SLC7A8: variants seen among roughly 807,000 people sequenced by gnomAD.
SLC7A8 encodes the protein solute carrier family 7 member 8, also known as large neutral amino acids transporter small subunit 2.
In SLC7A8, 30 loss-of-function variants were observed where a neutral mutation model predicts 51.2. The observed-to-expected ratio is 0.59, with a 90% CI of 0.44 to 0.80. The LOEUF (loss-of-function observed/expected upper bound fraction) is 0.80, where lower values mean the gene tolerates loss of function less well. Among genes scored for constraint, SLC7A8 ranks in the 30% least tolerant of loss-of-function variants. The pLI, the probability that SLC7A8 is intolerant of heterozygous loss-of-function variation, is 0.00. For synonymous variants in SLC7A8, 257 were observed against 275.8 expected (o/e 0.93, Z 0.67); for missense variants, 612 against 674.4 (o/e 0.91, Z 1.03).
chr14:23,177,380 A>G (rs1324286146), intron 1 of SLC7A8, among the ~76,000 whole-genome samples: 1 of 152,232 alleles, frequency 6.6e-6, no homozygotes, highest in Non-Finnish European at 1.5e-5. Context: ...TAACTAATCA[A>G]GCTGTTTCTG....
intron 1 of SLC7A8, among the ~76,000 whole-genome samples, 162 bp downstream of exon 1, chr14:23,182,602 T>A (rs1877230119): frequency 6.6e-6 from 1 of 152,206 alleles, no homozygotes. Flanking sequence ...ATGTATTTCC[T>A]ATGCCTCTCA....
chr14:23,147,380 A>G (rs1336402708), intron 3 of SLC7A8, among the ~76,000 whole-genome samples: 2 of 152,204 alleles, frequency 1.3e-5, no homozygotes, highest in African/African-American at 4.8e-5. Flanking sequence ...GGGTGAAGTA[A>G]GAGATGCCCA....
rs563705993 is a variant in SLC7A8 at position 23,126,651 on chromosome 14, A to G, written c.*526T>C. ...AGCCCTGGCTGGGGTGGGTGCAGGT[A>G]TGATGGGGAGGGGCAGGAAAGAGGG... On this transcript the variant is annotated 3_prime_UTR_variant, in exon 11 of 11. Coordinates refer to ENST00000316902, the MANE Select transcript of SLC7A8 (RefSeq NM_012244.4). 282 of 158,720 alleles carry G rather than the reference A, an allele frequency of 1.8e-3. No homozygotes were observed. The highest frequency in any genetic ancestry group is 6.2e-3 in the African/African-American group (258 of 41,576). The allele number at this position is 158,720 out of a possible 1,614,324, so 9.8% of individuals were successfully genotyped here.
At position 23,127,196 on chromosome 14, in the gene SLC7A8, G is replaced by A. The variant is rs750096654; in HGVS notation, c.1589C>T (p.Ala530Val). The A allele has an allele frequency of 1.9e-5, 31 of 1,613,948 alleles. No homozygotes were observed. Among genetic ancestry groups the A allele is most frequent in the Admixed American group, 1.3e-4 (8 of 59,990 alleles). ...TGGTCCTCAGGGCTGGGGCTGCCCCGCCACGTCCTTGTCCTTCGTGGGAGT... is the reference window on the plus strand; with the variant it reads ...TGGTCCTCAGGGCTGGGGCTGCCCCACCACGTCCTTGTCCTTCGTGGGAGT... Reference protein sequence around the residue: ...QPTPTKDKDVAGQPQP With the variant: ...QPTPTKDKDVVGQPQP The change falls in exon 11 of 11, where the codon GCG becomes GTG. Residue 530 changes from alanine to valine, a missense_variant. Ala to Val is a moderately conservative substitution (Grantham distance 64). Coordinates refer to ENST00000316902, the MANE Select transcript of SLC7A8 (RefSeq NM_012244.4).
chr14:23,182,903 T>C lies in SLC7A8; in HGVS notation c.12A>G (p.Gly4=). The C allele has an allele frequency of 6.2e-7, 1 of 1,614,108 alleles. No homozygotes were observed. Among genetic ancestry groups the C allele is most frequent in the Non-Finnish European group, 8.5e-7 (1 of 1,179,996 alleles). ...TTTCGGTGTTGTTTCGGTGCCTGGC[T>C]CCTTCTTCCATCCTTCTCAGTAGGA... MEE[G]ARHRNNTEKK... is the part of the protein sequence containing the mutation. The change falls in exon 1 of 11, where the codon GGA becomes GGG. Residue 4 remains glycine, a synonymous_variant. Coordinates refer to ENST00000316902, the MANE Select transcript of SLC7A8 (RefSeq NM_012244.4).
rs1396237842 is a variant in SLC7A8 at position 23,182,904 on chromosome 14, C to T, written c.11G>A (p.Gly4Glu). The change falls in exon 1 of 11, where the codon GGA (glycine) becomes GAA (glutamate). Residue 4 changes from glycine to glutamate, a missense_variant. Gly to Glu is a moderately conservative substitution (Grantham distance 98, BLOSUM62 -2). Coordinates refer to ENST00000316902, the MANE Select transcript of SLC7A8 (RefSeq NM_012244.4). Reference protein sequence around the residue: MEEGARHRNNTEKK... With the variant: MEEEARHRNNTEKK... The stretch of plus-strand genomic sequence containing the variant: ...TTCGGTGTTGTTTCGGTGCCTGGCT[C>T]CTTCTTCCATCCTTCTCAGTAGGAT... 6.2e-7 allele frequency: 1 copy of T among 1,614,116 alleles called. No individual in the cohort carries two copies. The highest frequency in any genetic ancestry group is 1.6e-4 in the Middle Eastern group (1 of 6,062).
chr14:23,166,432 A>T lies in SLC7A8; in HGVS notation c.260T>A (p.Val87Asp), dbSNP rs752536582. 6.2e-7 allele frequency: 1 copy of T among 1,614,140 alleles called. No homozygotes were observed. The highest frequency in any genetic ancestry group is 1.3e-5 in the African/African-American group (1 of 75,028). ...TTCAGCATAGCAGAGGGCTCCCACAACTGTGATGAAGCCCGTCACAATCCA... is the reference window on the plus strand; with the variant it reads ...TTCAGCATAGCAGAGGGCTCCCACATCTGTGATGAAGCCCGTCACAATCCA... Reference protein sequence around the residue: ...IVWIVTGFITVVGALCYAELG... With the variant: ...IVWIVTGFITDVGALCYAELG... The change falls in exon 2 of 11, where the codon GTT becomes GAT. Residue 87 changes from valine (V) to aspartate (D), a missense_variant. Coordinates refer to ENST00000316902, the MANE Select transcript of SLC7A8 (RefSeq NM_012244.4).
In SLC7A8 at chr14:23,182,979, T is replaced by C. The variant is rs1009136323; in HGVS notation, c.-65A>G. 7.5e-6 allele frequency: 12 copies of C among 1,603,860 alleles called. No homozygotes were observed. Among genetic ancestry groups the C allele is most frequent in the Non-Finnish European group, 1.0e-5 (12 of 1,172,256 alleles). On this transcript the variant is annotated 5_prime_UTR_variant, in exon 1 of 11. The change creates a new upstream start codon in the 5' untranslated region. Transcript: ENST00000316902. ...TTCTAAATGCGTATTCGTGTAAATA[T>C]ATTGGGAGAGAGCTTTGAATTAGAA... is the stretch of plus-strand genomic sequence containing the variant.
Position 23,165,499 on chromosome 14 carries a change from G to T in SLC7A8, c.357-63C>A, listed in dbSNP as rs957098855. 1.0e-5 allele frequency: 15 copies of T among 1,502,314 alleles called. No homozygotes were observed. The Admixed American group carries it at 1.6e-4, about 16-fold the overall frequency. 93.1% of individuals were successfully genotyped at this position (1,502,314 alleles called of 1,614,324 possible). ...AGGGACGCAGAGCCATCAGGGGAGAGCCCGGGCAAGTCATGCATCTCTTTT... is the reference window on the plus strand; with the variant it reads ...AGGGACGCAGAGCCATCAGGGGAGATCCCGGGCAAGTCATGCATCTCTTTT... On this transcript the variant is annotated intron_variant, in intron 2 of 10. Transcript: ENST00000316902. The surrounding 1 kb of genome is among the most constrained non-coding windows in gnomAD (Gnocchi z 4.2).
intron 1 of SLC7A8, among the ~76,000 whole-genome samples, chr14:23,175,978 TTTTA>T (rs2140340689): frequency 6.6e-6 from 1 of 152,354 alleles, no homozygotes; most frequent in African/African-American, 2.4e-5. Flanking sequence ...TGTCCCAGAA[TTTTA>T]TTTGAGAACA....
At chr14:23,179,974 T>C (rs1218802634) in intron 1 of SLC7A8, among the ~76,000 whole-genome samples, 1 of 151,228 alleles carries the variant, frequency 6.6e-6, no homozygotes, top group Non-Finnish European at 1.5e-5. Context: ...GGCGCAACCT[T>C]GGCTCACTGC....
rs1283493323 is a variant in SLC7A8, at chr14:23,165,581, C to T, written c.357-145G>A. The T allele has an allele frequency of 5.4e-6, 4 of 736,374 alleles. No individual in the cohort carries two copies. The highest frequency in any genetic ancestry group is 8.4e-6 in the Non-Finnish European group (4 of 478,138). 45.6% of individuals were successfully genotyped at this position (736,374 alleles called of 1,614,324 possible). A position where few individuals can be genotyped will look rare whatever the true frequency, so the allele number is the denominator to read the frequency against. On this transcript the variant is annotated intron_variant, in intron 2 of 10. Coordinates refer to ENST00000316902, the MANE Select transcript of SLC7A8 (RefSeq NM_012244.4). This position sits in a 1 kb window ranked among gnomAD's most constrained non-coding sequence, Gnocchi z 4.2. ...CTGCCCCCACCCACAAATGAGACAC[C>T]CAGCCCTCTGCAGTGACAATAAAAT... is the stretch of plus-strand genomic sequence containing the variant.
At position 23,138,039 on chromosome 14, in the gene SLC7A8, A is replaced by G. The variant is rs2048707281; in HGVS notation, c.913-15T>C. 6.2e-7 allele frequency: 1 copy of G among 1,613,438 alleles called. No individual in the cohort carries two copies. Among genetic ancestry groups the G allele is most frequent in the Non-Finnish European group, 8.5e-7 (1 of 1,179,872 alleles). ...TCTCCAAAAGTCTGGGAGAGGAACC[A>G]AGGAGATAAGCAAAGGAGAGGTCAC... On this transcript the variant is annotated splice_polypyrimidine_tract_variant and intron_variant, in intron 6 of 10. Coordinates refer to ENST00000316902, the MANE Select transcript of SLC7A8 (RefSeq NM_012244.4).
Position 23,127,349 on chromosome 14 carries a change from G to A in SLC7A8, c.1442-6C>T, listed in dbSNP as rs772766636. ...GCTCACCAGGGTTAGCAGCTCTGTA[G>A]GAAGAGATCACACAGAAACCAGGCC... On this transcript the variant is annotated splice_region_variant and splice_polypyrimidine_tract_variant and intron_variant, in intron 10 of 10. Coordinates refer to ENST00000316902, the MANE Select transcript of SLC7A8 (RefSeq NM_012244.4). 3.1e-6 allele frequency: 5 copies of A among 1,613,228 alleles called. No homozygotes were observed. In the Admixed American group the frequency reaches 8.3e-5, roughly 27 times the overall value.
intron 1 of SLC7A8, among the ~76,000 whole-genome samples, chr14:23,166,926 C>T (rs1015847433): frequency 6.6e-6 from 1 of 152,158 alleles, no homozygotes; most frequent in Non-Finnish European, 1.5e-5. Flanking sequence ...CTGAGCGACA[C>T]GTGGTCCACC....
rs1390560791 is a variant in SLC7A8, at chr14:23,126,448, C to T, written c.*729G>A. 2.0e-5 allele frequency: 3 copies of T among 153,224 alleles called. No individual in the cohort carries two copies. The highest frequency in any genetic ancestry group is 3.9e-4 in the East Asian group (2 of 5,170). The allele number at this position is 153,224 out of a possible 1,614,324, so 9.5% of individuals were successfully genotyped here. ...TCAGAAGCTTTTTGGCTTCTGGAAG[C>T]TTTGGCACCATGTTGGGGGCTGGAT... On this transcript the variant is annotated 3_prime_UTR_variant, in exon 11 of 11. Transcript: ENST00000316902.
intron 2 of SLC7A8, 107 bp downstream of exon 2, chr14:23,166,229 C>T (rs951713373): frequency 1.4e-5 from 16 of 1,182,456 alleles, no homozygotes; most frequent in African/African-American, 1.1e-4. Context: ...CCCCGTGGCA[C>T]ACTGGAGACT....
chr14:23,181,227 T>C lies in SLC7A8; in HGVS notation c.151+1537A>G, dbSNP rs1877161968. Among the ~76,000 whole-genome samples, 4 of 152,142 alleles carry C rather than the reference T, an allele frequency of 2.6e-5. No individual in the cohort carries two copies. The South Asian group carries it at 8.3e-4, about 31-fold the overall frequency. ...ATAGACCTTAAACTGGCATGTGCTA[T>C]ACATACTGAATACTTGGCTGTTCTC... On this transcript the variant is annotated intron_variant, in intron 1 of 10. Coordinates refer to ENST00000316902, the MANE Select transcript of SLC7A8 (RefSeq NM_012244.4).
chr14:23,128,262 G>C lies in SLC7A8; in HGVS notation c.1264-66C>G, dbSNP rs2048598668. The C allele has an allele frequency of 6.3e-7, 1 of 1,595,190 alleles. No individual in the cohort carries two copies. Among genetic ancestry groups the C allele is most frequent in the African/African-American group, 1.3e-5 (1 of 74,634 alleles). On this transcript the variant is annotated intron_variant, in intron 9 of 10. Coordinates refer to ENST00000316902, the MANE Select transcript of SLC7A8 (RefSeq NM_012244.4). The surrounding 1 kb of genome is among the most constrained non-coding windows in gnomAD (Gnocchi z 4.3). ...ACGTGGCCCCCAGGACTAGGGACTG[G>C]GGCATTCTCTCTCTTCTTCACCCAC...
Sources: allele counts gnomAD v4.1 joint callset (sites outside exome capture counted in the v4.1 genomes callset), GRCh38; gene constraint gnomAD v4.1.1; non-coding constraint Gnocchi (gnomAD v3.1); transcripts MANE v1.5; gene names NCBI Gene and HGNC (gene_info 2026-07-23, HGNC 2026-07-21).